Variants in CASR observed in about 807,000 individuals in gnomAD.
CASR encodes the protein extracellular calcium-sensing receptor.
In CASR, 23 loss-of-function variants were observed where a neutral mutation model predicts 69.1. That is an observed-to-expected ratio of 0.33 (90% confidence interval 0.24 to 0.47). CASR has a LOEUF of 0.47. Ranked by LOEUF, CASR falls within the 20% of genes least tolerant of loss-of-function variation. The pLI, the probability that CASR is intolerant of heterozygous loss-of-function variation, is 1.00. For missense variants in CASR, 924 were observed against 1,356.1 expected (o/e 0.68, Z 5.00); for synonymous variants, 541 against 544.7 (o/e 0.99, Z 0.10).
intron 2 of CASR, among the ~76,000 whole-genome samples, chr3:122,256,190 A>G (rs992585875): frequency 6.6e-6 from 1 of 152,204 alleles, no homozygotes; most frequent in African/African-American, 2.4e-5. Flanking sequence ...CTGTCTGTGT[A>G]TGGCCTTCAT....
intron 1 of CASR, among the ~76,000 whole-genome samples, chr3:122,192,907 C>A (rs2073853106): frequency 6.6e-6 from 1 of 152,160 alleles, no homozygotes; most frequent in African/African-American, 2.4e-5. Context: ...TCATGGAACT[C>A]CTGTCCACCA....
At chr3:122,252,870 G>A (rs756610709) in intron 1 of CASR, among the ~76,000 whole-genome samples, 2 of 152,128 alleles carry the variant, frequency 1.3e-5, no homozygotes, top group East Asian at 3.8e-4. Flanking sequence ...CCAGTGCTTG[G>A]CCCTGAGCCT....
intron 1 of CASR, among the ~76,000 whole-genome samples, chr3:122,252,897 T>G (rs899644895): frequency 1.3e-5 from 2 of 152,178 alleles, no homozygotes; most frequent in African/African-American, 4.8e-5. Flanking sequence ...AGGCTGGATA[T>G]TTAGCCCCAT....
chr3:122,187,883 A>C (rs2073802455), intron 1 of CASR, among the ~76,000 whole-genome samples: 1 of 152,240 alleles, frequency 6.6e-6, no homozygotes, highest in Non-Finnish European at 1.5e-5. Flanking sequence ...ATGGGGTCAC[A>C]GAAACAAAGA....
chr3:122,255,704 T>C (rs939330724), intron 2 of CASR, among the ~76,000 whole-genome samples: 2 of 152,212 alleles, frequency 1.3e-5, no homozygotes, highest in Admixed American at 1.3e-4. Context: ...AAATCTGTAA[T>C]ATTTCATAAT....
Position 122,290,920 on chromosome 3 carries a change from C to T in CASR, c.*5729C>T, listed in dbSNP as rs1452960151. On this transcript the variant is annotated 3_prime_UTR_variant, in exon 7 of 7. Coordinates refer to ENST00000639785, the MANE Select transcript of CASR (RefSeq NM_000388.4). ...ATAGGCCCTGGTGTGTGATGTTCCC[C>T]TTCCTGTGTCCATGTGATCTCATTG... The T allele has an allele frequency of 7.0e-6, 1 of 143,052 alleles. No homozygotes were observed. The highest frequency in any genetic ancestry group is 1.5e-5 in the Non-Finnish European group (1 of 66,346). The allele number at this position is 143,052 out of a possible 1,614,324, so 8.9% of individuals were successfully genotyped here.
At position 122,283,946 on chromosome 3, in the gene CASR, C is replaced by A; in HGVS notation, c.1992C>A (p.Ser664Arg). ...LLFSLLCCFS[S>R]SLFFIGEPQD... The stretch of plus-strand genomic sequence containing the variant: ...TCTCCCTGCTCTGCTGCTTCTCCAG[C>A]TCCCTGTTCTTCATCGGGGAGCCCC... The change falls in exon 7 of 7, where the codon AGC becomes AGA. Residue 664 changes from serine (S) to arginine (R), a missense_variant. This residue lies in a region of CASR where 184 missense variants were observed against 278.8 expected (regional missense o/e 0.66). Coordinates refer to ENST00000639785, the MANE Select transcript of CASR (RefSeq NM_000388.4). The A allele has an allele frequency of 6.2e-7, 1 of 1,613,668 alleles. No homozygotes were observed. The highest frequency in any genetic ancestry group is 8.5e-7 in the Non-Finnish European group (1 of 1,179,932).
At chr3:122,188,742 C>G (rs1321487255) in intron 1 of CASR, among the ~76,000 whole-genome samples, 1 of 152,210 alleles carries the variant, frequency 6.6e-6, no homozygotes, top group African/African-American at 2.4e-5. Flanking sequence ...TGGTTCAACT[C>G]TTGCCTGACA....
intron 1 of CASR, among the ~76,000 whole-genome samples, chr3:122,207,813 A>C: frequency 6.6e-6 from 1 of 152,180 alleles, no homozygotes; most frequent in East Asian, 1.9e-4. Context: ...TTCATTCCTA[A>C]GAATAAACTT....
At chr3:122,218,849 C>T (rs1002188949) in intron 1 of CASR, among the ~76,000 whole-genome samples, 2 of 152,012 alleles carry the variant, frequency 1.3e-5, no homozygotes, top group South Asian at 2.1e-4. Context: ...TGGGTGATTA[C>T]AGATAAGTAC....
In CASR at chr3:122,226,870, C is replaced by T. The variant is rs190083374; in HGVS notation, c.-242-27078C>T. On this transcript the variant is annotated intron_variant, in intron 1 of 6. Transcript: ENST00000639785. ...CACACCCTGAGCTAGACACAGGGTG[C>T]TGATTGGTGTGTCCACAATCCTTGA... is the stretch of plus-strand genomic sequence containing the variant. Among the ~76,000 whole-genome samples, 179 of 152,282 alleles carry T rather than the reference C, an allele frequency of 1.2e-3. 1 individual carries two copies. Among genetic ancestry groups the T allele is most frequent in the Middle Eastern group, 3.4e-3 (1 of 292 alleles).
chr3:122,276,143 A>AAAG, intron 5 of CASR, 101 bp downstream of exon 5: 1 of 778,822 alleles, frequency 1.3e-6, no homozygotes, highest in Non-Finnish European at 2.3e-6. Context: ...CTTCCAAAAT[A>AAAG]AAGAGTCCAC....
chr3:122,214,007 G>A (rs9856914), intron 1 of CASR, among the ~76,000 whole-genome samples: 110,266 of 152,116 alleles, frequency 0.72, 40,208 homozygotes, highest in Admixed American at 0.82. Flanking sequence ...ACTTGACCCC[G>A]TGTCATGTCC....
chr3:122,214,883 T>A (rs1255136688), intron 1 of CASR, among the ~76,000 whole-genome samples: 1 of 77,170 alleles, frequency 1.3e-5, no homozygotes, highest in Non-Finnish European at 3.0e-5. Context: ...CGAAAGCCCA[T>A]GATAAATGAC....
chr3:122,265,249 TAG>T (rs2074678662), intron 4 of CASR, among the ~76,000 whole-genome samples: 3 of 152,232 alleles, frequency 2.0e-5, no homozygotes, highest in African/African-American at 7.2e-5. Context: ...AGACACTTAT[TAG>T]TTAAAATTCT....
At chr3:122,281,440 T>C (rs1424413781) in intron 5 of CASR, among the ~76,000 whole-genome samples, 1 of 152,240 alleles carries the variant, frequency 6.6e-6, no homozygotes, top group Non-Finnish European at 1.5e-5. Context: ...GTGGTGATAG[T>C]GGATATCCTT....
chr3:122,196,419 G>A lies in CASR; in HGVS notation c.-243+12607G>A, dbSNP rs1308233148. Among the ~76,000 whole-genome samples the A allele has an allele frequency of 3.9e-5, 6 of 152,180 alleles. No individual in the cohort carries two copies. The East Asian group carries it at 9.7e-4, about 24-fold the overall frequency. ...AGCTGTGAGATGAAGTAAGGTGCTG[G>A]AATTAAGACTAATTTTTATTCTTTT... On this transcript the variant is annotated intron_variant, in intron 1 of 6. Transcript: ENST00000639785.
intron 4 of CASR, among the ~76,000 whole-genome samples, chr3:122,268,171 G>C (rs989640035): frequency 4.6e-5 from 7 of 152,174 alleles, no homozygotes; most frequent in African/African-American, 1.4e-4. Flanking sequence ...CTGAGAAATA[G>C]AGATCATGAA....
At chr3:122,186,601 G>T (rs2073786727) in intron 1 of CASR, among the ~76,000 whole-genome samples, 2 of 152,170 alleles carry the variant, frequency 1.3e-5, no homozygotes, top group Admixed American at 6.5e-5. Flanking sequence ...GATGCTTTGG[G>T]GTGGCAGCTG....
Sources: gnomAD v4.1 joint callset for allele counts (sites outside exome capture counted in the v4.1 genomes callset) on GRCh38, gnomAD v4.1.1 for gene constraint, gnomAD v4.1.1 regional missense constraint, MANE v1.5 for transcripts, NCBI Gene and HGNC (gene_info 2026-07-23, HGNC 2026-07-21) for gene names.